TAFA1: variants seen among roughly 807,000 people sequenced by gnomAD.
The protein encoded by TAFA1 is TAFA chemokine like family member 1, also known as chemokine-like protein TAFA-1.
A neutral mutation model predicts 18.5 loss-of-function variants in TAFA1; 4 were observed. The observed-to-expected ratio is 0.22, with a 90% CI of 0.11 to 0.49. The LOEUF is 0.49. Among genes scored for constraint, TAFA1 ranks in the 20% least tolerant of loss-of-function variants. The probability of loss-of-function intolerance (pLI) is 0.98; values close to 1 mark genes in which losing one functional copy is unlikely to be tolerated. For synonymous variants in TAFA1, 56 were observed against 55.2 expected (o/e 1.01, Z -0.06); for missense variants, 147 against 169.0 (o/e 0.87, Z 0.72).
At chr3:68,359,445 TAATACA>T (rs1417243259) in intron 2 of TAFA1, among the ~76,000 whole-genome samples, 1 of 151,986 alleles carries the variant, frequency 6.6e-6, no homozygotes, top group African/African-American at 2.4e-5. Context: ...TAGCTTGGCC[TAATACA>T]AATACAAAGG....
intron 3 of TAFA1, among the ~76,000 whole-genome samples, chr3:68,532,225 C>G (rs563667600): frequency 1.3e-5 from 2 of 152,052 alleles, no homozygotes; most frequent in Non-Finnish European, 2.9e-5. Context: ...AATAGGGGCT[C>G]GGGTCTTCCC....
intron 2 of TAFA1, among the ~76,000 whole-genome samples, chr3:68,154,089 CTGAT>C (rs1222634969): frequency 6.6e-6 from 1 of 152,150 alleles, no homozygotes; most frequent in African/African-American, 2.4e-5. Context: ...TTGCCATTGT[CTGAT>C]TGCTTATTTG....
intron 3 of TAFA1, among the ~76,000 whole-genome samples, chr3:68,534,086 C>T (rs1559709345): frequency 6.6e-6 from 1 of 151,890 alleles, no homozygotes; most frequent in Non-Finnish European, 1.5e-5. Context: ...CAGAAGTAGC[C>T]CCCAAATCTG....
intron 3 of TAFA1, among the ~76,000 whole-genome samples, chr3:68,469,321 A>G (rs1158893290): frequency 6.6e-6 from 1 of 152,184 alleles, no homozygotes; most frequent in Non-Finnish European, 1.5e-5. Context: ...TGTGAAAAGT[A>G]TAATTCATCT....
intron 2 of TAFA1, among the ~76,000 whole-genome samples, chr3:68,271,623 T>C (rs1371860127): frequency 2.0e-5 from 3 of 152,144 alleles, no homozygotes; most frequent in African/African-American, 4.8e-5. Flanking sequence ...AAAGTTATGA[T>C]GTTGAGAAAC....
At chr3:68,417,235 CT>C (rs2070856605) in intron 2 of TAFA1, 44 bp from the exon 3 acceptor site, 1 of 1,591,110 alleles carries the variant, frequency 6.3e-7, no homozygotes, top group Non-Finnish European at 8.6e-7. Flanking sequence ...CGAATAGTCA[CT>C]GAGTTATTTC....
intron 3 of TAFA1, among the ~76,000 whole-genome samples, chr3:68,471,145 G>C (rs984632250): frequency 6.6e-6 from 1 of 152,246 alleles, no homozygotes; most frequent in Non-Finnish European, 1.5e-5. Context: ...GTGCACAGAA[G>C]TCAAGAATTG....
chr3:68,411,814 C>T (rs1481561407), intron 2 of TAFA1, among the ~76,000 whole-genome samples: 1 of 152,138 alleles, frequency 6.6e-6, no homozygotes, highest in African/African-American at 2.4e-5. Flanking sequence ...TTAATACAAG[C>T]CCAGGCTTCC....
intron 3 of TAFA1, among the ~76,000 whole-genome samples, chr3:68,518,296 T>TA (rs1405720942): frequency 6.6e-6 from 1 of 151,606 alleles, no homozygotes; most frequent in African/African-American, 2.4e-5. Context: ...TGAATACAAT[T>TA]TTTTTTGGCA....
intron 2 of TAFA1, among the ~76,000 whole-genome samples, chr3:68,372,827 A>T (rs187383027): frequency 3.5e-4 from 53 of 152,356 alleles, no homozygotes; most frequent in Admixed American, 3.1e-3. Context: ...AGTGAAAGCC[A>T]CTAAAGAATA....
chr3:68,476,093 C>G (rs535158139), intron 3 of TAFA1, among the ~76,000 whole-genome samples: 1 of 152,120 alleles, frequency 6.6e-6, no homozygotes, highest in East Asian at 1.9e-4. Flanking sequence ...GCAAAAATTT[C>G]AGGACATAGA....
chr3:68,155,242 A>G (rs193237329), intron 2 of TAFA1, among the ~76,000 whole-genome samples: 1 of 152,294 alleles, frequency 6.6e-6, no homozygotes, highest in East Asian at 1.9e-4. Context: ...ATCACTCTGC[A>G]GTGCCTGATC....
intron 2 of TAFA1, among the ~76,000 whole-genome samples, chr3:68,057,220 A>G (rs1294771147): frequency 6.6e-6 from 1 of 152,204 alleles, no homozygotes; most frequent in Non-Finnish European, 1.5e-5. Flanking sequence ...GTGATAATTC[A>G]AATGCTGTCT....
intron 3 of TAFA1, among the ~76,000 whole-genome samples, chr3:68,439,765 C>T (rs899797348): frequency 3.9e-5 from 6 of 151,912 alleles, no homozygotes; most frequent in African/African-American, 1.2e-4. Context: ...CCCTGATAGA[C>T]ACACCCGGGA....
At chr3:68,369,774 C>T (rs1384845714) in intron 2 of TAFA1, among the ~76,000 whole-genome samples, 2 of 152,128 alleles carry the variant, frequency 1.3e-5, no homozygotes, top group African/African-American at 4.8e-5. Flanking sequence ...AACAAGATCT[C>T]CTGTTTCTAG....
chr3:68,329,108 A>G (rs890720822), intron 2 of TAFA1, among the ~76,000 whole-genome samples: 12 of 149,120 alleles, frequency 8.0e-5, no homozygotes, highest in Non-Finnish European at 1.5e-4. Flanking sequence ...TTTTTGGGAC[A>G]GAGTCTCACT....
intron 2 of TAFA1, among the ~76,000 whole-genome samples, chr3:68,321,417 T>C (rs891976075): frequency 2.6e-5 from 4 of 152,174 alleles, no homozygotes; most frequent in Non-Finnish European, 4.4e-5. Context: ...TTAATTAATA[T>C]TTCCTTTGAT....
At chr3:68,296,637 T>G (rs1388499) in intron 2 of TAFA1, among the ~76,000 whole-genome samples, 9,646 of 152,214 alleles carry the variant, frequency 0.063, 476 homozygotes, top group African/African-American at 0.13. Flanking sequence ...AGGTCTCTCT[T>G]GAAGTGACTA....
chr3:68,248,840 T>A (rs933482796), intron 2 of TAFA1, among the ~76,000 whole-genome samples: 13 of 152,014 alleles, frequency 8.6e-5, no homozygotes, highest in African/African-American at 2.9e-4. Context: ...AACTGCATGA[T>A]GTTTGCAGGC....
Sources: allele counts gnomAD v4.1 joint callset (sites outside exome capture counted in the v4.1 genomes callset), GRCh38; gene constraint gnomAD v4.1.1; transcripts MANE v1.5; gene names NCBI Gene and HGNC (gene_info 2026-07-23, HGNC 2026-07-21).